The following EMC2 variants were observed in gnomAD, a reference collection of about 807,000 sequenced individuals.
EMC2 encodes ER membrane protein complex subunit 2.
In EMC2, 37 loss-of-function variants were observed where a neutral mutation model predicts 51.6. That is an observed-to-expected ratio of 0.72 (90% CI 0.55 to 0.94). The LOEUF (loss-of-function observed/expected upper bound fraction) is 0.94. EMC2 is among the 40% of genes least tolerant of loss of function. The pLI is 0.00. For synonymous variants in EMC2, 131 were observed against 112.4 expected, an observed-to-expected ratio of 1.17 and a Z score of -1.04; for missense variants, 359 against 350.9, an observed-to-expected ratio of 1.02 and a Z score of -0.18.
chr8:108,460,820 T>G (rs2079079545), intron 5 of EMC2, among the ~76,000 whole-genome samples: 1 of 152,242 alleles, frequency 6.6e-6, no homozygotes, highest in African/African-American at 2.4e-5. Flanking sequence ...CAAAGCGACT[T>G]AATTCAGCTT....
chr8:108,481,056 G>C (rs1811036252), intron 10 of EMC2, among the ~76,000 whole-genome samples: 2 of 152,054 alleles, frequency 1.3e-5, no homozygotes, highest in African/African-American at 4.8e-5. Flanking sequence ...CCACACAGTT[G>C]TTAATCTTTT....
At chr8:108,479,134 C>A in intron 10 of EMC2, 24 bp downstream of exon 10, 2 of 1,313,106 alleles carry the variant, frequency 1.5e-6, no homozygotes, top group Non-Finnish European at 2.1e-6. Context: ...GATCATTTTG[C>A]TATGTAGGTC....
intron 5 of EMC2, among the ~76,000 whole-genome samples, chr8:108,468,384 A>G (rs1210207641): frequency 1.3e-5 from 2 of 152,178 alleles, no homozygotes; most frequent in African/African-American, 2.4e-5. Context: ...GCTTGTGCCT[A>G]CTATGTGACA....
At chr8:108,462,436 G>A (rs960925085) in intron 5 of EMC2, among the ~76,000 whole-genome samples, 1 of 152,088 alleles carries the variant, frequency 6.6e-6, no homozygotes, top group African/African-American at 2.4e-5. Flanking sequence ...GGATGATTCT[G>A]ATATTTCCTC....
intron 10 of EMC2, among the ~76,000 whole-genome samples, chr8:108,480,336 G>T (rs981476917): frequency 1.1e-4 from 16 of 151,984 alleles, no homozygotes; most frequent in African/African-American, 3.9e-4. Context: ...GGACTATTAG[G>T]AGACAATGTT....
intron 5 of EMC2, among the ~76,000 whole-genome samples, chr8:108,457,372 G>A (rs894115828): frequency 7.2e-6 from 1 of 139,396 alleles, no homozygotes; most frequent in Non-Finnish European, 1.6e-5. Context: ...GTGTGTGTGT[G>A]TCTATGTATT....
chr8:108,447,210 GC>G (rs569325474), intron 1 of EMC2, among the ~76,000 whole-genome samples: 56 of 104,670 alleles, frequency 5.4e-4, no homozygotes, highest in African/African-American at 2.0e-3. Flanking sequence ...CTCCCCCACT[GC>G]CCCCCCACCC....
intron 3 of EMC2, 80 bp downstream of exon 3, chr8:108,450,572 T>A: frequency 1.2e-6 from 1 of 860,182 alleles, no homozygotes; most frequent in Non-Finnish European, 2.0e-6. Context: ...ATGGCTTATA[T>A]GGAATGCTTT....
At chr8:108,467,051 T>C (rs954922867) in intron 5 of EMC2, among the ~76,000 whole-genome samples, 1 of 152,184 alleles carries the variant, frequency 6.6e-6, no homozygotes, top group Non-Finnish European at 1.5e-5. Flanking sequence ...GTTTTTTGTC[T>C]ATGTAAAATG....
chr8:108,453,204 T>A, intron 4 of EMC2, 57 bp downstream of exon 4: 2 of 342,270 alleles, frequency 5.8e-6, no homozygotes, highest in Non-Finnish European at 4.8e-6. Context: ...GTGGTGTTAA[T>A]TTTTTTTTTT....
Position 108,444,421 on chromosome 8 carries a change from C to G in EMC2, c.40+723C>G, listed in dbSNP as rs541741422. ...CTAGAGTGGGATATGTTCTTTAAAT[C>G]TGGGAACAGCCAAACCTTGGATCAA... On this transcript the variant is annotated intron_variant, in intron 1 of 10. Coordinates refer to ENST00000220853, the MANE Select transcript of EMC2 (RefSeq NM_014673.5). Among the ~76,000 whole-genome samples, 346 of 152,266 alleles carry G rather than the reference C, an allele frequency of 2.3e-3. 2 individuals carry two copies. Among genetic ancestry groups the G allele is most frequent in the Non-Finnish European group, 3.8e-3 (259 of 68,010 alleles).
chr8:108,467,178 AG>A, intron 5 of EMC2, among the ~76,000 whole-genome samples: 1 of 152,164 alleles, frequency 6.6e-6, no homozygotes, highest in Non-Finnish European at 1.5e-5. Context: ...TTCAGTGTCC[AG>A]TACTGTTTGG....
chr8:108,466,484 G>T (rs1326691260), intron 5 of EMC2, among the ~76,000 whole-genome samples: 1 of 113,294 alleles, frequency 8.8e-6, no homozygotes, highest in East Asian at 2.5e-4. Flanking sequence ...ACAGGATCTC[G>T]CTCTGTTGCC....
At chr8:108,473,282 TAGG>T (rs1810888838) in intron 7 of EMC2, among the ~76,000 whole-genome samples, 1 of 152,058 alleles carries the variant, frequency 6.6e-6, no homozygotes, top group Non-Finnish European at 1.5e-5. Flanking sequence ...ATATGTATTA[TAGG>T]TTAAGTATCC....
At chr8:108,472,721 AT>A (rs1474763274) in intron 7 of EMC2, among the ~76,000 whole-genome samples, 2 of 152,020 alleles carry the variant, frequency 1.3e-5, no homozygotes, top group Non-Finnish European at 2.9e-5. Context: ...ATCGTAGGAT[AT>A]CAGTTTTAGC....
chr8:108,486,869 A>G lies in EMC2; in HGVS notation c.*271A>G. 4.0e-6 allele frequency: 1 copy of G among 251,420 alleles called. No individual in the cohort carries two copies. The highest frequency in any genetic ancestry group is 7.4e-6 in the Non-Finnish European group (1 of 134,394). The allele number at this position is 251,420 out of a possible 1,614,324, so 15.6% of individuals were successfully genotyped here. Reference sequence around the variant, plus strand: ...TATACATGTATATATATAAAACTCTAATGTAGTATAACCTTGTTAAATAAA... The same window carrying G: ...TATACATGTATATATATAAAACTCTGATGTAGTATAACCTTGTTAAATAAA... On this transcript the variant is annotated 3_prime_UTR_variant, in exon 11 of 11. Transcript: ENST00000220853.
chr8:108,463,376 A>G (rs1819378969), intron 5 of EMC2, among the ~76,000 whole-genome samples: 1 of 152,046 alleles, frequency 6.6e-6, no homozygotes, highest in Non-Finnish European at 1.5e-5. Context: ...TTACTCAAGT[A>G]CCAGTTTTGG....
intron 5 of EMC2, among the ~76,000 whole-genome samples, chr8:108,461,264 A>C (rs1171317282): frequency 1.3e-5 from 2 of 152,222 alleles, no homozygotes; most frequent in African/African-American, 4.8e-5. Context: ...GAAGTTGTTC[A>C]TTGAAGCTTT....
At position 108,486,617 on chromosome 8, in the gene EMC2, A is replaced by G. The variant is rs770233264; in HGVS notation, c.*19A>G. 2 of 1,582,606 alleles carry G rather than the reference A, an allele frequency of 1.3e-6. No individual in the cohort carries two copies. The highest frequency in any genetic ancestry group is 3.7e-5 in the Admixed American group (2 of 53,480). On this transcript the variant is annotated 3_prime_UTR_variant, in exon 11 of 11. Transcript: ENST00000220853. Reference sequence around the variant, plus strand: ...GTCTTAAGGTTTCAAAAACTCTTTGACATTAGATTTCACAACTGCACAATT... The same window carrying G: ...GTCTTAAGGTTTCAAAAACTCTTTGGCATTAGATTTCACAACTGCACAATT...
Sources: gnomAD v4.1 joint callset for allele counts (sites outside exome capture counted in the v4.1 genomes callset) on GRCh38, gnomAD v4.1.1 for gene constraint, MANE v1.5 for transcripts, NCBI Gene and HGNC (gene_info 2026-07-23, HGNC 2026-07-21) for gene names.